Variants in GRID2 observed in about 807,000 individuals in gnomAD.
GRID2 encodes glutamate ionotropic receptor delta type subunit 2, also known as glutamate receptor ionotropic, delta-2.
GRID2 carries 33 observed loss-of-function variants against 114.8 expected under a neutral mutation model. The observed-to-expected ratio is 0.29, with a 90% confidence interval of 0.22 to 0.38. GRID2 has a LOEUF of 0.38. Ranked by LOEUF, GRID2 falls within the 10% of genes least tolerant of loss-of-function variation. The pLI is 1.00. For missense variants in GRID2, 1,184 were observed against 1,257.7 expected, an observed-to-expected ratio of 0.94 and a Z score of 0.89; for synonymous variants, 505 against 449.9, an observed-to-expected ratio of 1.12 and a Z score of -1.55.
chr4:92,769,312 C>A (rs999848263), intron 2 of GRID2, among the ~76,000 whole-genome samples: 1 of 152,158 alleles, frequency 6.6e-6, no homozygotes, highest in African/African-American at 2.4e-5. Context: ...GTAGCTTTGC[C>A]CCTGTAGCTT....
intron 2 of GRID2, among the ~76,000 whole-genome samples, chr4:92,635,455 A>T (rs1049794363): frequency 3.3e-5 from 5 of 151,990 alleles, no homozygotes; most frequent in African/African-American, 1.2e-4. Flanking sequence ...GTTATTTCTC[A>T]TAAGTTTCTT....
intron 8 of GRID2, among the ~76,000 whole-genome samples, chr4:93,370,615 C>T (rs1289989807): frequency 1.3e-5 from 2 of 152,080 alleles, no homozygotes; most frequent in Non-Finnish European, 2.9e-5. Context: ...GAGTGTTCTT[C>T]CCTCTTTTTT....
At chr4:93,479,812 C>A (rs977247955) in intron 11 of GRID2, among the ~76,000 whole-genome samples, 1 of 152,100 alleles carries the variant, frequency 6.6e-6, no homozygotes, top group Admixed American at 6.6e-5. Context: ...ACACACCAGT[C>A]TTCTCTGGAA....
intron 11 of GRID2, among the ~76,000 whole-genome samples, chr4:93,461,346 T>C (rs1723721892): frequency 6.6e-6 from 1 of 152,040 alleles, no homozygotes; most frequent in South Asian, 2.1e-4. Context: ...ATAAACCCTA[T>C]GAAAAAGAGA....
intron 2 of GRID2, among the ~76,000 whole-genome samples, chr4:92,889,959 C>A (rs1231650881): frequency 6.6e-6 from 1 of 152,088 alleles, no homozygotes; most frequent in East Asian, 1.9e-4. Context: ...AGAAATAAAG[C>A]CACACATTTA....
At position 92,659,553 on chromosome 4, in the gene GRID2, T is replaced by C. The variant is rs145582542; in HGVS notation, c.244+69267T>C. Among the ~76,000 whole-genome samples, 15 of 151,744 alleles carry C rather than the reference T, an allele frequency of 9.9e-5. No individual in the cohort carries two copies. The East Asian group carries it at 2.7e-3, about 27-fold the overall frequency. On this transcript the variant is annotated intron_variant, in intron 2 of 15. Transcript: ENST00000282020. ...TGAAATGATATATAAACAAAAATCATAATACAGTATTCTTATGCATTTACC... is the reference window on the plus strand; with the variant it reads ...TGAAATGATATATAAACAAAAATCACAATACAGTATTCTTATGCATTTACC...
At position 93,110,777 on chromosome 4, in the gene GRID2, A is replaced by G. The variant is rs755266786; in HGVS notation, c.559A>G (p.Lys187Glu). 6 of 1,612,754 alleles carry G rather than the reference A, an allele frequency of 3.7e-6. No homozygotes were observed. In the East Asian group the frequency reaches 1.3e-4, roughly 36 times the overall value. The change falls in exon 4 of 16, where the codon AAA (lysine) becomes GAA (glutamate). Residue 187 changes from lysine (K) to glutamate (E), a missense_variant. By Grantham distance (56) the Lys-to-Glu change is moderately conservative. Transcript: ENST00000282020. The part of the protein sequence containing the change: ...DIRGIQEFLD[K>E]VSQQGMDVAL... ...CCGTGGAATACAGGAGTTCTTGGAC[A>G]AAGTCTCTCAGCAGGGAATGGATGT... is the stretch of plus-strand genomic sequence containing the variant.
At chr4:93,560,249 A>T (rs1351028621) in intron 13 of GRID2, among the ~76,000 whole-genome samples, 1 of 142,896 alleles carries the variant, frequency 7.0e-6, no homozygotes. Flanking sequence ...AAAAAAAAAA[A>T]AAAACAGAAA....
chr4:93,474,887 C>T (rs1360874400), intron 11 of GRID2, among the ~76,000 whole-genome samples: 1 of 152,154 alleles, frequency 6.6e-6, no homozygotes, highest in African/African-American at 2.4e-5. Flanking sequence ...TAAAACAATG[C>T]ATAATGCCTT....
At chr4:92,981,723 A>G in intron 2 of GRID2, among the ~76,000 whole-genome samples, 1 of 151,998 alleles carries the variant, frequency 6.6e-6, no homozygotes, top group South Asian at 2.1e-4. Flanking sequence ...TTCTGGAGAG[A>G]CATGGTCTTA....
At chr4:92,313,395 C>A (rs1273554222) in intron 1 of GRID2, among the ~76,000 whole-genome samples, 1 of 151,740 alleles carries the variant, frequency 6.6e-6, no homozygotes, top group Non-Finnish European at 1.5e-5. Context: ...GATGAGTGCA[C>A]CAGGTTCTCA....
chr4:92,910,620 G>A (rs887188450), intron 2 of GRID2, among the ~76,000 whole-genome samples: 6 of 152,060 alleles, frequency 3.9e-5, no homozygotes, highest in Non-Finnish European at 8.8e-5. Flanking sequence ...CAAAAGTTGA[G>A]TACAATCTAT....
intron 2 of GRID2, among the ~76,000 whole-genome samples, chr4:92,632,302 G>A (rs1227577988): frequency 1.3e-5 from 2 of 151,952 alleles, no homozygotes; most frequent in Admixed American, 1.3e-4. Context: ...TTTTAATTTT[G>A]TATTTTCATT....
chr4:93,051,253 G>A (rs921995729), intron 2 of GRID2, among the ~76,000 whole-genome samples: 1 of 152,034 alleles, frequency 6.6e-6, no homozygotes, highest in African/African-American at 2.4e-5. Flanking sequence ...ATACCTTGGG[G>A]GAGAAACGCA....
chr4:92,322,884 T>C (rs939292410), intron 1 of GRID2, among the ~76,000 whole-genome samples: 1 of 152,146 alleles, frequency 6.6e-6, no homozygotes, highest in Non-Finnish European at 1.5e-5. Flanking sequence ...AATAGCTAAG[T>C]ATAAGTTGTC....
At chr4:92,441,692 G>T (rs1009989122) in intron 1 of GRID2, among the ~76,000 whole-genome samples, 12 of 152,018 alleles carry the variant, frequency 7.9e-5, no homozygotes, top group East Asian at 1.9e-4. Context: ...TTTTTAAAGC[G>T]TGCTGAGGGA....
chr4:92,369,131 A>G (rs1214106980), intron 1 of GRID2, among the ~76,000 whole-genome samples: 3 of 152,066 alleles, frequency 2.0e-5, no homozygotes, highest in African/African-American at 7.2e-5. Flanking sequence ...TATACTTCAC[A>G]AAAATATAGC....
At chr4:93,460,248 G>A (rs1723615240) in intron 11 of GRID2, among the ~76,000 whole-genome samples, 1 of 152,098 alleles carries the variant, frequency 6.6e-6, no homozygotes, top group Admixed American at 6.6e-5. Flanking sequence ...CCATCACCTG[G>A]CTCCTGTCCA....
chr4:93,400,737 T>A (rs994325045), intron 9 of GRID2, among the ~76,000 whole-genome samples: 4 of 152,122 alleles, frequency 2.6e-5, no homozygotes, highest in African/African-American at 7.2e-5. Context: ...ATTTACCTAC[T>A]TTGATTGGCC....
Sources: allele counts gnomAD v4.1 joint callset (sites outside exome capture counted in the v4.1 genomes callset), GRCh38; gene constraint gnomAD v4.1.1; transcripts MANE v1.5; gene names NCBI Gene and HGNC (gene_info 2026-07-23, HGNC 2026-07-21).